The following OXSR1 variants were observed in gnomAD, a reference collection of about 807,000 sequenced individuals.
The protein encoded by OXSR1 is serine/threonine-protein kinase OSR1.
A neutral mutation model predicts 79.8 loss-of-function variants in OXSR1; 24 were observed. The ratio of observed to expected loss-of-function variants is 0.30; its 90% CI spans 0.22 to 0.42. OXSR1 has a LOEUF of 0.42. Ranked by LOEUF, OXSR1 falls within the 10% of genes least tolerant of loss-of-function variation. The pLI is 1.00. For missense variants in OXSR1, 430 were observed against 618.4 expected (o/e 0.70, Z 3.23); for synonymous variants, 226 against 209.2 (o/e 1.08, Z -0.69).
chr3:38,200,226 C>G (rs1702139591), intron 4 of OXSR1, among the ~76,000 whole-genome samples: 3 of 152,216 alleles, frequency 2.0e-5, no homozygotes, highest in Middle Eastern at 3.4e-3. Flanking sequence ...CTGGGCTGCC[C>G]CTTTTCTGCT....
intron 1 of OXSR1, among the ~76,000 whole-genome samples, chr3:38,177,618 T>C (rs1274956704): frequency 6.6e-6 from 1 of 152,188 alleles, no homozygotes; most frequent in African/African-American, 2.4e-5. Context: ...AAGGTCTCAC[T>C]CTTTCACCCA....
chr3:38,214,445 A>G (rs977150600), intron 4 of OXSR1, among the ~76,000 whole-genome samples: 4 of 152,166 alleles, frequency 2.6e-5, no homozygotes, highest in African/African-American at 9.7e-5. Flanking sequence ...TGCTAACATT[A>G]TAGTACAGCC....
At chr3:38,250,470 G>T (rs1470912944) in intron 15 of OXSR1, among the ~76,000 whole-genome samples, 1 of 152,174 alleles carries the variant, frequency 6.6e-6, no homozygotes, top group Non-Finnish European at 1.5e-5. Flanking sequence ...TGTTCTCCAT[G>T]ATGGTAAAGA....
intron 1 of OXSR1, among the ~76,000 whole-genome samples, chr3:38,176,121 A>T (rs1701672451): frequency 6.6e-6 from 1 of 152,170 alleles, no homozygotes; most frequent in African/African-American, 2.4e-5. Flanking sequence ...ATGAATATTT[A>T]TACTGAAGTA....
chr3:38,201,356 G>A (rs377385326), intron 4 of OXSR1, among the ~76,000 whole-genome samples: 7 of 151,556 alleles, frequency 4.6e-5, no homozygotes, highest in Middle Eastern at 3.4e-3. Context: ...GAGCCCAGGA[G>A]TTTAATACCA....
chr3:38,172,404 G>A (rs1240537872), intron 1 of OXSR1, among the ~76,000 whole-genome samples: 1 of 152,044 alleles, frequency 6.6e-6, no homozygotes, highest in African/African-American at 2.4e-5. Flanking sequence ...AGGTTTTATT[G>A]CCCTGCATCT....
At chr3:38,250,725 C>T (rs1000762429) in intron 15 of OXSR1, among the ~76,000 whole-genome samples, 7 of 152,126 alleles carry the variant, frequency 4.6e-5, no homozygotes, top group Non-Finnish European at 4.4e-5. Flanking sequence ...GAGGTGTCAC[C>T]TGTTTTACTT....
chr3:38,222,739 A>G (rs1009148714), intron 6 of OXSR1, among the ~76,000 whole-genome samples: 10 of 152,160 alleles, frequency 6.6e-5, no homozygotes, highest in Non-Finnish European at 1.2e-4. Context: ...CAACCTTCCT[A>G]ACTTTTTCAT....
At chr3:38,223,069 C>T (rs867564038) in intron 6 of OXSR1, among the ~76,000 whole-genome samples, 2 of 152,202 alleles carry the variant, frequency 1.3e-5, no homozygotes, top group African/African-American at 4.8e-5. Context: ...ATTTTGCCTA[C>T]TTTATTTTAT....
chr3:38,238,637 ATCT>A (rs1702966357), intron 11 of OXSR1, among the ~76,000 whole-genome samples: 2 of 152,000 alleles, frequency 1.3e-5, no homozygotes, highest in African/African-American at 4.8e-5. Flanking sequence ...TTTCTTCACC[ATCT>A]TCTTGCTTGC....
intron 8 of OXSR1, among the ~76,000 whole-genome samples, chr3:38,229,287 T>G (rs963672225): frequency 6.6e-6 from 1 of 152,144 alleles, no homozygotes; most frequent in Non-Finnish European, 1.5e-5. Flanking sequence ...ATTTCCTCTT[T>G]GTGTGTTTAA....
chr3:38,167,203 G>A (rs1336815071), intron 1 of OXSR1, among the ~76,000 whole-genome samples: 1 of 152,214 alleles, frequency 6.6e-6, no homozygotes, highest in Non-Finnish European at 1.5e-5. Context: ...GCTGGTGTGT[G>A]AAAAGATTTG....
intron 3 of OXSR1, 40 bp from the exon 4 acceptor site, chr3:38,198,682 G>T (rs1429454445): frequency 2.0e-6 from 3 of 1,514,418 alleles, no homozygotes; most frequent in Non-Finnish European, 2.7e-6. Context: ...TATATTGAAT[G>T]ATTTAGAGAT....
chr3:38,243,837 T>C (rs992991018), intron 12 of OXSR1, among the ~76,000 whole-genome samples: 4 of 152,246 alleles, frequency 2.6e-5, no homozygotes, highest in African/African-American at 9.6e-5. Context: ...GTGTGGCTCC[T>C]CTTCTTGGTA....
chr3:38,215,809 G>C (rs532222069), intron 4 of OXSR1, among the ~76,000 whole-genome samples: 2 of 152,188 alleles, frequency 1.3e-5, no homozygotes, highest in South Asian at 4.1e-4. Flanking sequence ...TCAAAATGTA[G>C]AATTAGGTGA....
At chr3:38,177,512 T>C (rs1297860677) in intron 1 of OXSR1, among the ~76,000 whole-genome samples, 1 of 152,228 alleles carries the variant, frequency 6.6e-6, no homozygotes, top group African/African-American at 2.4e-5. Context: ...TTATGTACAC[T>C]AGGGGATGAT....
In OXSR1 at chr3:38,171,585, G is replaced by A. The variant is rs543149173; in HGVS notation, c.70+5639G>A. Among the ~76,000 whole-genome samples, 20 of 151,326 alleles carry A rather than the reference G, an allele frequency of 1.3e-4. No homozygotes were observed. The East Asian group carries it at 1.6e-3, about 12-fold the overall frequency. On this transcript the variant is annotated intron_variant, in intron 1 of 17. Transcript: ENST00000311806. ...TTTCTCACATTCTGTTTTGTTCTTC[G>A]TCTTTCTGGTAAAATCCTACAGAGA...
At chr3:38,206,990 ATGCACTTAGAATAGTATT>A (rs1324040704) in intron 4 of OXSR1, among the ~76,000 whole-genome samples, 9 of 152,354 alleles carry the variant, frequency 5.9e-5, no homozygotes, top group African/African-American at 1.9e-4. Flanking sequence ...AATATTTGCA[ATGCACTTAGAATAGTATT>A]TAGCACACAA....
intron 5 of OXSR1, among the ~76,000 whole-genome samples, chr3:38,219,779 A>T (rs78065926): frequency 1.9e-4 from 28 of 148,358 alleles, no homozygotes; most frequent in East Asian, 9.9e-4. Flanking sequence ...AAAACTGTTA[A>T]GATGATGATG....
Sources: allele counts gnomAD v4.1 joint callset (sites outside exome capture counted in the v4.1 genomes callset), GRCh38; gene constraint gnomAD v4.1.1; transcripts MANE v1.5; gene names NCBI Gene and HGNC (gene_info 2026-07-23, HGNC 2026-07-21).